The following MYO9A variants were observed in gnomAD, a reference collection of about 807,000 sequenced individuals.
MYO9A encodes myosin IXA.
Under a neutral mutation model 293.3 loss-of-function variants are expected in MYO9A, and 103 were observed. The ratio of observed to expected loss-of-function variants is 0.35; its 90% confidence interval spans 0.30 to 0.41. The LOEUF (loss-of-function observed/expected upper bound fraction) is 0.41, where lower values mean the gene tolerates loss of function less well. Ranked by LOEUF, MYO9A falls within the 10% of genes least tolerant of loss-of-function variation. MYO9A has a pLI of 1.00. For missense variants in MYO9A, 2,685 were observed against 3,033.0 expected, an observed-to-expected ratio of 0.89 and a Z score of 2.69; for synonymous variants, 1,001 against 1,035.7, an observed-to-expected ratio of 0.97 and a Z score of 0.64.
chr15:71,913,790 G>A (rs969654857), intron 19 of MYO9A, among the ~76,000 whole-genome samples: 1 of 152,152 alleles, frequency 6.6e-6, no homozygotes, highest in African/African-American at 2.4e-5. Context: ...AGTTTTGTGA[G>A]AGCAGGGCCA....
chr15:71,831,257 A>G (rs888713709), intron 39 of MYO9A, among the ~76,000 whole-genome samples: 1 of 152,188 alleles, frequency 6.6e-6, no homozygotes, highest in African/African-American at 2.4e-5. Context: ...CTAGCCTTGC[A>G]CATATTTTGT....
At position 72,091,197 on chromosome 15, in the gene MYO9A, C is replaced by CA. The variant is rs34991002; in HGVS notation, c.-72+26482dup. Among the ~76,000 whole-genome samples the CA allele has an allele frequency of 3.6e-3, 465 of 127,898 alleles. 1 individual carries two copies. The highest frequency in any genetic ancestry group is 0.012 in the Middle Eastern group (3 of 254). 83.9% of individuals were successfully genotyped at this position (127,898 alleles called of 152,430 possible). ...CTGCATAACAGAGTAAGATCTGTCT[C>CA]AAAAAAAAAAAAAAGTCAACTTTCA... On this transcript the variant is annotated intron_variant, in intron 1 of 41. Transcript: ENST00000356056.
At chr15:72,112,395 T>C (rs116762465) in intron 1 of MYO9A, among the ~76,000 whole-genome samples, 90 of 152,272 alleles carry the variant, frequency 5.9e-4, no homozygotes, top group African/African-American at 1.9e-3. Context: ...CTAACACTAT[T>C]TGGAAAGTGC....
intron 18 of MYO9A, among the ~76,000 whole-genome samples, chr15:71,919,540 G>A (rs554091729): frequency 6.6e-6 from 1 of 152,084 alleles, no homozygotes; most frequent in Non-Finnish European, 1.5e-5. Context: ...CTGGTTTAGA[G>A]TAGGATTCAA....
At chr15:72,081,953 T>C (rs886383037) in intron 1 of MYO9A, among the ~76,000 whole-genome samples, 38 of 152,330 alleles carry the variant, frequency 2.5e-4, no homozygotes, top group African/African-American at 9.1e-4. Context: ...TAGTACAGTT[T>C]GAAGTCTGGT....
intron 1 of MYO9A, among the ~76,000 whole-genome samples, chr15:72,093,505 C>T (rs531836071): frequency 1.3e-5 from 2 of 152,138 alleles, no homozygotes; most frequent in South Asian, 4.2e-4. Context: ...CACTGCACTC[C>T]GCCCTGGGCA....
chr15:72,096,183 A>C (rs530445706), intron 1 of MYO9A, among the ~76,000 whole-genome samples: 22 of 151,786 alleles, frequency 1.4e-4, no homozygotes, highest in African/African-American at 5.3e-4. Flanking sequence ...AAAAGAAAAA[A>C]AAAAATTAGC....
intron 32 of MYO9A, among the ~76,000 whole-genome samples, chr15:71,869,806 C>T (rs920513213): frequency 2.0e-5 from 3 of 152,136 alleles, no homozygotes; most frequent in African/African-American, 7.2e-5. Flanking sequence ...TAGCAGGGAC[C>T]ATGAAAGTCT....
chr15:71,843,285 C>T (rs1050287050), intron 39 of MYO9A, among the ~76,000 whole-genome samples: 18 of 151,886 alleles, frequency 1.2e-4, no homozygotes, highest in Admixed American at 7.9e-4. Context: ...AAAAATTAGC[C>T]GGGCACGGTG....
chr15:72,004,390 T>C (rs893999013), intron 8 of MYO9A, among the ~76,000 whole-genome samples: 5 of 152,124 alleles, frequency 3.3e-5, no homozygotes, highest in African/African-American at 1.2e-4. Context: ...AAACCCCATC[T>C]TTACTAAAAA....
chr15:72,032,850 T>TG (rs1454526722), intron 2 of MYO9A, among the ~76,000 whole-genome samples: 3 of 152,020 alleles, frequency 2.0e-5, no homozygotes, highest in Non-Finnish European at 4.4e-5. Context: ...TTTTATGTTA[T>TG]TTATTTATTT....
intron 31 of MYO9A, among the ~76,000 whole-genome samples, chr15:71,876,458 C>T (rs1197073093): frequency 2.5e-5 from 2 of 80,528 alleles, no homozygotes; most frequent in South Asian, 4.1e-4. Context: ...TTTTTTGAGA[C>T]GGAGTTTTGC....
rs368117471 is a variant in MYO9A, at chr15:71,964,072, T to C, written c.1986+3912A>G. Among the ~76,000 whole-genome samples, 13 of 152,336 alleles carry C rather than the reference T, an allele frequency of 8.5e-5. No individual in the cohort carries two copies. In the East Asian group the frequency reaches 1.7e-3, roughly 20 times the overall value. ...TTTTCAAATTTCCTGACAAAATATA[T>C]GCATATCCTTCTAATATCTGTAGGT... On this transcript the variant is annotated intron_variant, in intron 13 of 41. Coordinates refer to ENST00000356056, the MANE Select transcript of MYO9A (RefSeq NM_006901.4).
intron 18 of MYO9A, among the ~76,000 whole-genome samples, chr15:71,925,314 CGTATATGTACATATA>C (rs2058277435): frequency 4.4e-5 from 1 of 22,926 alleles, no homozygotes; most frequent in Non-Finnish European, 2.1e-4. Context: ...TACGTATATA[CGTATATGTACATATA>C]TACGTATATG....
At chr15:71,956,962 G>GT (rs1347068807) in intron 14 of MYO9A, among the ~76,000 whole-genome samples, 1 of 151,506 alleles carries the variant, frequency 6.6e-6, no homozygotes, top group South Asian at 2.1e-4. Context: ...AACATGCCAT[G>GT]TATGGATATA....
At chr15:71,942,399 T>C (rs2058801407) in intron 15 of MYO9A, among the ~76,000 whole-genome samples, 1 of 152,070 alleles carries the variant, frequency 6.6e-6, no homozygotes. Flanking sequence ...CTTGTAAGCA[T>C]TCTACAGCTA....
In MYO9A at chr15:71,883,715, T is replaced by C. The variant is rs2056942531; in HGVS notation, c.5277A>G (p.Arg1759=). The change falls in exon 28 of 42, where the codon AGA becomes AGG. Residue 1759 remains arginine, a synonymous_variant. Coordinates refer to ENST00000356056, the MANE Select transcript of MYO9A (RefSeq NM_006901.4). ...CCCCTTGTTTCCCTTTGGCCCAGAA[T>C]CTCATCTTAGCTCTCTGAGGTCTGT... ...SDIRPQRAKM[R]FWAKGKQGEK... 1 of 1,612,812 alleles carries C rather than the reference T, an allele frequency of 6.2e-7. No individual in the cohort carries two copies. The highest frequency in any genetic ancestry group is 1.7e-5 in the Admixed American group (1 of 59,774).
At chr15:72,000,952 A>G (rs767734181) in intron 8 of MYO9A, among the ~76,000 whole-genome samples, 2 of 152,234 alleles carry the variant, frequency 1.3e-5, no homozygotes, top group African/African-American at 2.4e-5. Context: ...ATTGTTGCAC[A>G]TGAGTTCAAA....
intron 19 of MYO9A, among the ~76,000 whole-genome samples, chr15:71,908,044 C>G (rs2057720191): frequency 6.6e-6 from 1 of 152,112 alleles, no homozygotes; most frequent in Admixed American, 6.5e-5. Flanking sequence ...AATGGTAATG[C>G]CTAGGTTTTC....
Sources: gnomAD v4.1 joint callset for allele counts (sites outside exome capture counted in the v4.1 genomes callset) on GRCh38, gnomAD v4.1.1 for gene constraint, MANE v1.5 for transcripts, NCBI Gene and HGNC (gene_info 2026-07-23, HGNC 2026-07-21) for gene names.